Variants in CHCHD3 observed in about 807,000 individuals in gnomAD.
The protein encoded by CHCHD3 is MICOS complex subunit MIC19.
CHCHD3 carries 20 observed loss-of-function variants against 38.2 expected under a neutral mutation model. That is an observed-to-expected ratio of 0.52 (90% CI 0.37 to 0.76). The LOEUF (loss-of-function observed/expected upper bound fraction) is 0.76, where lower values mean the gene tolerates loss of function less well. CHCHD3 is among the 30% of genes least tolerant of loss of function. The pLI is 0.00. For synonymous variants in CHCHD3, 82 were observed against 100.0 expected (o/e 0.82, Z 1.07); for missense variants, 245 against 279.2 (o/e 0.88, Z 0.87).
intron 1 of CHCHD3, among the ~76,000 whole-genome samples, chr7:133,081,641 C>T (rs1361702511): frequency 6.6e-6 from 1 of 152,216 alleles, no homozygotes; most frequent in Non-Finnish European, 1.5e-5. Context: ...TCCCCGCCCG[C>T]CCCAGCAGTG....
intron 4 of CHCHD3, among the ~76,000 whole-genome samples, chr7:132,963,941 C>T (rs1395151375): frequency 6.6e-6 from 1 of 152,144 alleles, no homozygotes; most frequent in Non-Finnish European, 1.5e-5. Flanking sequence ...ACTACATCCC[C>T]AATTTTTTGT....
At chr7:133,037,830 CATACATAA>C (rs1317990050) in intron 2 of CHCHD3, among the ~76,000 whole-genome samples, 2 of 152,034 alleles carry the variant, frequency 1.3e-5, no homozygotes, top group African/African-American at 2.4e-5. Flanking sequence ...TAAATACATA[CATACATAA>C]ATACATATGC....
intron 3 of CHCHD3, among the ~76,000 whole-genome samples, chr7:133,007,251 CA>C (rs1490836053): frequency 2.0e-5 from 3 of 152,064 alleles, no homozygotes; most frequent in Non-Finnish European, 4.4e-5. Context: ...GACAATGGCA[CA>C]AGGTAAGAGA....
intron 4 of CHCHD3, among the ~76,000 whole-genome samples, chr7:132,954,365 T>C (rs949264601): frequency 1.3e-5 from 2 of 152,190 alleles, no homozygotes; most frequent in South Asian, 4.1e-4. Context: ...TACATGGCTC[T>C]GTTACAAGAG....
intron 6 of CHCHD3, among the ~76,000 whole-genome samples, chr7:132,822,105 T>C (rs548114330): frequency 7.2e-5 from 11 of 152,216 alleles, no homozygotes; most frequent in Non-Finnish European, 1.3e-4. Flanking sequence ...TATTTTTCAT[T>C]TGTCTTGTCG....
At chr7:132,944,588 T>A (rs916273573) in intron 4 of CHCHD3, among the ~76,000 whole-genome samples, 6 of 151,934 alleles carry the variant, frequency 3.9e-5, no homozygotes, top group African/African-American at 1.4e-4. Context: ...TAAAAAATAT[T>A]GTTGTAATAA....
chr7:132,952,701 C>T (rs1811061152), intron 4 of CHCHD3, among the ~76,000 whole-genome samples: 1 of 152,202 alleles, frequency 6.6e-6, no homozygotes, highest in Non-Finnish European at 1.5e-5. Flanking sequence ...GTATTGTAGG[C>T]TCAAAAGTTT....
chr7:132,944,000 G>C (rs1291922874), intron 4 of CHCHD3, among the ~76,000 whole-genome samples: 6 of 152,068 alleles, frequency 3.9e-5, no homozygotes, highest in African/African-American at 1.4e-4. Context: ...TTTCAAGAGA[G>C]AAAGTTTTCT....
intron 6 of CHCHD3, among the ~76,000 whole-genome samples, chr7:132,835,928 G>C (rs1807768715): frequency 6.6e-6 from 1 of 152,186 alleles, no homozygotes; most frequent in South Asian, 2.1e-4. Context: ...TCAAGACACA[G>C]GGAGCAGATG....
At chr7:132,981,063 G>A (rs943689303) in intron 3 of CHCHD3, among the ~76,000 whole-genome samples, 3 of 152,030 alleles carry the variant, frequency 2.0e-5, no homozygotes, top group Non-Finnish European at 4.4e-5. Flanking sequence ...TCGGCTCACT[G>A]CAACCTCTGC....
intron 1 of CHCHD3, among the ~76,000 whole-genome samples, chr7:133,077,431 T>C (rs1347858321): frequency 6.6e-6 from 1 of 152,228 alleles, no homozygotes; most frequent in Non-Finnish European, 1.5e-5. Flanking sequence ...TTACGTTCCA[T>C]ATTAAGTATC....
At chr7:132,828,720 A>G (rs564042579) in intron 6 of CHCHD3, among the ~76,000 whole-genome samples, 38 of 152,330 alleles carry the variant, frequency 2.5e-4, no homozygotes, top group African/African-American at 8.9e-4. Context: ...TAAGTTAATT[A>G]TCTGACTGAA....
At chr7:132,965,471 A>T (rs1229836038) in intron 4 of CHCHD3, among the ~76,000 whole-genome samples, 1 of 152,104 alleles carries the variant, frequency 6.6e-6, no homozygotes, top group Non-Finnish European at 1.5e-5. Context: ...AAAAAAACTA[A>T]ATCTAAAAAC....
At chr7:133,071,799 C>T (rs1814825352) in intron 1 of CHCHD3, among the ~76,000 whole-genome samples, 3 of 152,034 alleles carry the variant, frequency 2.0e-5, no homozygotes, top group South Asian at 2.1e-4. Flanking sequence ...CATGTGCTAC[C>T]GTACAGATAG....
chr7:132,945,679 T>G (rs1320670896), intron 4 of CHCHD3, among the ~76,000 whole-genome samples: 1 of 151,906 alleles, frequency 6.6e-6, no homozygotes, highest in African/African-American at 2.4e-5. Context: ...CATCTTGCTT[T>G]AATAAAAGTT....
At chr7:132,840,014 G>A (rs1252163933) in intron 5 of CHCHD3, among the ~76,000 whole-genome samples, 1 of 152,208 alleles carries the variant, frequency 6.6e-6, no homozygotes, top group Non-Finnish European at 1.5e-5. Flanking sequence ...TATTCTAAGT[G>A]TACTGCTGCT....
chr7:132,905,409 G>A (rs2117210201), intron 4 of CHCHD3, among the ~76,000 whole-genome samples: 1 of 151,976 alleles, frequency 6.6e-6, no homozygotes, highest in East Asian at 1.9e-4. Context: ...GAGAACACAT[G>A]GACACATGGG....
chr7:132,909,877 G>T (rs917789160), intron 4 of CHCHD3, among the ~76,000 whole-genome samples: 1 of 152,186 alleles, frequency 6.6e-6, no homozygotes, highest in African/African-American at 2.4e-5. Flanking sequence ...TGGTTACAGA[G>T]AAACTCCTAT....
intron 1 of CHCHD3, among the ~76,000 whole-genome samples, chr7:133,073,127 T>G (rs1814875303): frequency 6.6e-6 from 1 of 152,174 alleles, no homozygotes; most frequent in South Asian, 2.1e-4. Context: ...AATGCCTTAT[T>G]TATATGGCTT....
Sources: gnomAD v4.1 joint callset for allele counts (sites outside exome capture counted in the v4.1 genomes callset) on GRCh38, gnomAD v4.1.1 for gene constraint, MANE v1.5 for transcripts, NCBI Gene and HGNC (gene_info 2026-07-23, HGNC 2026-07-21) for gene names.